The following CNTNAP5 variants were observed in gnomAD, a reference collection of about 807,000 sequenced individuals.
CNTNAP5 encodes the protein contactin-associated protein-like 5.
Under a neutral mutation model 150.2 loss-of-function variants are expected in CNTNAP5, and 72 were observed. The ratio of observed to expected loss-of-function variants is 0.48; its 90% CI spans 0.40 to 0.58. The LOEUF (loss-of-function observed/expected upper bound fraction) is 0.58. CNTNAP5 is among the 20% of genes least tolerant of loss of function. The pLI, the probability that CNTNAP5 is intolerant of heterozygous loss-of-function variation, is 0.00. For missense variants in CNTNAP5, 1,636 were observed against 1,626.2 expected, an observed-to-expected ratio of 1.01 and a Z score of -0.10; for synonymous variants, 672 against 619.8, an observed-to-expected ratio of 1.08 and a Z score of -1.25.
intron 12 of CNTNAP5, among the ~76,000 whole-genome samples, chr2:124,610,157 T>A (rs1398864300): frequency 6.6e-6 from 1 of 152,228 alleles, no homozygotes. Context: ...GAAGCAAGAA[T>A]TAATTATCAG....
intron 3 of CNTNAP5, among the ~76,000 whole-genome samples, chr2:124,298,120 C>T (rs1036357198): frequency 3.3e-5 from 5 of 151,992 alleles, no homozygotes; most frequent in African/African-American, 1.2e-4. Flanking sequence ...CAATTATTTA[C>T]TGGCACTCCC....
At chr2:124,496,102 C>A (rs1194348299) in intron 7 of CNTNAP5, among the ~76,000 whole-genome samples, 1 of 151,956 alleles carries the variant, frequency 6.6e-6, no homozygotes, top group African/African-American at 2.4e-5. Flanking sequence ...ATCAAGGTGG[C>A]CCATATGAAC....
intron 8 of CNTNAP5, among the ~76,000 whole-genome samples, chr2:124,514,002 C>A (rs553388507): frequency 2.2e-4 from 34 of 152,164 alleles, no homozygotes; most frequent in Non-Finnish European, 4.3e-4. Context: ...GTCATTAATG[C>A]CTCGGTATTT....
chr2:124,783,473 A>G (rs189786836), intron 17 of CNTNAP5, among the ~76,000 whole-genome samples: 1 of 152,142 alleles, frequency 6.6e-6, no homozygotes, highest in Admixed American at 6.5e-5. Flanking sequence ...TCCAAGCTCC[A>G]TTTTCAGCTT....
intron 12 of CNTNAP5, among the ~76,000 whole-genome samples, chr2:124,633,995 C>A (rs2105012430): frequency 6.6e-6 from 1 of 152,292 alleles, no homozygotes; most frequent in Non-Finnish European, 1.5e-5. Context: ...CCCATGAAAC[C>A]ATTCTGTCCT....
intron 14 of CNTNAP5, among the ~76,000 whole-genome samples, chr2:124,761,067 A>G (rs1680946093): frequency 6.6e-6 from 1 of 152,084 alleles, no homozygotes; most frequent in Admixed American, 6.6e-5. Flanking sequence ...GGCCTTGTGC[A>G]TTGTTCCAAA....
intron 1 of CNTNAP5, among the ~76,000 whole-genome samples, chr2:124,216,567 G>A (rs1042875788): frequency 1.3e-5 from 2 of 152,006 alleles, no homozygotes; most frequent in African/African-American, 4.8e-5. Flanking sequence ...AGTCCCCGGT[G>A]TGTGATATTC....
intron 19 of CNTNAP5, among the ~76,000 whole-genome samples, chr2:124,846,791 C>T (rs532494927): frequency 9.3e-4 from 141 of 152,256 alleles, no homozygotes; most frequent in African/African-American, 3.2e-3. Context: ...CTCCCCCTTC[C>T]CCTAGGAATG....
intron 13 of CNTNAP5, among the ~76,000 whole-genome samples, chr2:124,709,232 CGTGTGT>C (rs778269827): frequency 5.8e-5 from 8 of 138,822 alleles, no homozygotes; most frequent in Middle Eastern, 3.7e-3. Context: ...TGTGTGTGTG[CGTGTGT>C]GTGTGTGTGT....
intron 13 of CNTNAP5, among the ~76,000 whole-genome samples, chr2:124,717,537 G>A (rs972635432): frequency 1.3e-5 from 2 of 152,144 alleles, no homozygotes; most frequent in African/African-American, 4.8e-5. Context: ...CAAGTCATTT[G>A]AAGAGTTTGC....
Position 124,175,445 on chromosome 2 carries a change from T to C in CNTNAP5, c.83-46260T>C, listed in dbSNP as rs182881250. On this transcript the variant is annotated intron_variant, in intron 1 of 23. Transcript: ENST00000682447. ...TATTCTCCTGTGATCTTTTTTATAA[T>C]TTCAACTTTTATTTTAGATTCATGG... is the stretch of plus-strand genomic sequence containing the variant. 2.0e-5 allele frequency among the ~76,000 whole-genome samples: 3 copies of C among 152,318 alleles called. No homozygotes were observed. The South Asian group carries it at 6.2e-4, about 32-fold the overall frequency.
At chr2:124,862,300 C>T (rs918946275) in intron 19 of CNTNAP5, among the ~76,000 whole-genome samples, 15 of 152,278 alleles carry the variant, frequency 9.9e-5, no homozygotes, top group African/African-American at 2.4e-4. Flanking sequence ...AAATGCATTA[C>T]AGCATGTCAG....
At chr2:124,847,509 A>G (rs1683073598) in intron 19 of CNTNAP5, among the ~76,000 whole-genome samples, 1 of 152,134 alleles carries the variant, frequency 6.6e-6, no homozygotes, top group Non-Finnish European at 1.5e-5. Flanking sequence ...GCAGCCAGAG[A>G]CCAGGGCTGA....
intron 1 of CNTNAP5, among the ~76,000 whole-genome samples, chr2:124,046,050 T>G (rs1213954): frequency 0.97 from 146,968 of 152,226 alleles, 71,152 homozygotes; most frequent in East Asian, 1. Flanking sequence ...GGCTCTGAGA[T>G]CCTCATTACC....
At chr2:124,068,784 A>T (rs1253434193) in intron 1 of CNTNAP5, among the ~76,000 whole-genome samples, 1 of 151,914 alleles carries the variant, frequency 6.6e-6, no homozygotes, top group African/African-American at 2.4e-5. Context: ...AGTAGGATAC[A>T]ACACCAGGCA....
At chr2:124,170,672 G>A (rs149387734) in intron 1 of CNTNAP5, among the ~76,000 whole-genome samples, 4 of 152,170 alleles carry the variant, frequency 2.6e-5, no homozygotes, top group Admixed American at 6.5e-5. Flanking sequence ...CATGGGCCAC[G>A]GTGAGCTGTG....
chr2:124,140,224 C>T (rs1458541693), intron 1 of CNTNAP5, among the ~76,000 whole-genome samples: 6 of 150,396 alleles, frequency 4.0e-5, no homozygotes, highest in Non-Finnish European at 7.4e-5. Context: ...GGGCGCCCGC[C>T]ATTGCCCAGG....
At chr2:124,346,680 C>T (rs1204076345) in intron 3 of CNTNAP5, among the ~76,000 whole-genome samples, 1 of 151,968 alleles carries the variant, frequency 6.6e-6, no homozygotes, top group African/African-American at 2.4e-5. Context: ...TTTTTAGTAG[C>T]TAAAAATATG....
chr2:124,427,981 G>T (rs1692279630), intron 4 of CNTNAP5, among the ~76,000 whole-genome samples: 1 of 152,138 alleles, frequency 6.6e-6, no homozygotes, highest in Non-Finnish European at 1.5e-5. Flanking sequence ...CTTACATTCT[G>T]TATTTCTAAC....
Sources: allele counts gnomAD v4.1 joint callset (sites outside exome capture counted in the v4.1 genomes callset), GRCh38; gene constraint gnomAD v4.1.1; transcripts MANE v1.5; gene names NCBI Gene and HGNC (gene_info 2026-07-23, HGNC 2026-07-21).